Variants in SMAD2 observed in about 807,000 individuals in gnomAD.
SMAD2 encodes SMAD family member 2.
A neutral mutation model predicts 64.4 loss-of-function variants in SMAD2; 8 were observed. The ratio of observed to expected loss-of-function variants is 0.12; its 90% CI spans 0.07 to 0.22. SMAD2 has a LOEUF of 0.22. Ranked by LOEUF, SMAD2 falls within the 10% of genes least tolerant of loss-of-function variation. SMAD2 has a pLI of 1.00. For synonymous variants in SMAD2, 203 were observed against 195.8 expected (o/e 1.04, Z -0.31); for missense variants, 289 against 561.2 (o/e 0.51, Z 4.90).
chr18:47,874,974 G>A (rs78641216), intron 2 of SMAD2, among the ~76,000 whole-genome samples: 2,244 of 152,196 alleles, frequency 0.015, 58 homozygotes, highest in African/African-American at 0.051. Flanking sequence ...AAAAAGATAT[G>A]GTTCTAAAAC....
chr18:47,889,822 G>C (rs1423341647), intron 2 of SMAD2, among the ~76,000 whole-genome samples: 2 of 151,410 alleles, frequency 1.3e-5, no homozygotes, highest in East Asian at 3.9e-4. Flanking sequence ...GAAAACAAAA[G>C]ATTACTGTAA....
chr18:47,898,829 G>A (rs1430562286), intron 1 of SMAD2, among the ~76,000 whole-genome samples: 1 of 152,024 alleles, frequency 6.6e-6, no homozygotes, highest in Non-Finnish European at 1.5e-5. Flanking sequence ...TTTTCCTGAG[G>A]AAATATTTGC....
rs942635560 is a variant in SMAD2, at chr18:47,821,546, A to G, written c.*20281T>C. On this transcript the variant is annotated 3_prime_UTR_variant, in exon 11 of 11. Coordinates refer to ENST00000262160, the MANE Select transcript of SMAD2 (RefSeq NM_005901.6). ...TCAACATACTAGCTTTCTTATTTAC[A>G]TTCCTCTATAAGGCGTACACTCATA... The G allele has an allele frequency of 1.3e-5, 2 of 152,140 alleles. No individual in the cohort carries two copies. The highest frequency in any genetic ancestry group is 2.9e-5 in the Non-Finnish European group (2 of 68,030). 9.4% of individuals were successfully genotyped at this position (152,140 alleles called of 1,614,324 possible).
At position 47,827,789 on chromosome 18, in the gene SMAD2, T is replaced by G. The variant is rs971465193; in HGVS notation, c.*14038A>C. ...AGTCTCGCTCACTCAGTGCTCAATG[T>G]TGCCCAGGCTGGAGTGCAGTGGCAC... On this transcript the variant is annotated 3_prime_UTR_variant, in exon 11 of 11. Coordinates refer to ENST00000262160, the MANE Select transcript of SMAD2 (RefSeq NM_005901.6). 5 of 188,194 alleles carry G rather than the reference T, an allele frequency of 2.7e-5. No individual in the cohort carries two copies. Among genetic ancestry groups the G allele is most frequent in the African/African-American group, 9.5e-5 (4 of 41,910 alleles). The allele number at this position is 188,194 out of a possible 1,614,324, so 11.7% of individuals were successfully genotyped here.
At chr18:47,923,407 A>G (rs1168185364) in intron 1 of SMAD2, among the ~76,000 whole-genome samples, 1 of 152,230 alleles carries the variant, frequency 6.6e-6, no homozygotes, top group Non-Finnish European at 1.5e-5. Flanking sequence ...AACTTTATAC[A>G]ATGATGTAAA....
At chr18:47,845,239 A>T (rs1914382433) in intron 10 of SMAD2, 101 bp downstream of exon 10, 2 of 1,200,584 alleles carry the variant, frequency 1.7e-6, no homozygotes, top group Non-Finnish European at 2.5e-6. Flanking sequence ...TGACTCTATA[A>T]CCTCATTGAA....
intron 1 of SMAD2, chr18:47,912,487 A>G (rs2034175849): frequency 6.6e-6 from 1 of 152,290 alleles, no homozygotes; most frequent in Non-Finnish European, 1.5e-5. Flanking sequence ...GTAAGTAACT[A>G]TGTTCATCAC....
chr18:47,876,458 G>C (rs985782490), intron 2 of SMAD2, among the ~76,000 whole-genome samples: 12 of 151,952 alleles, frequency 7.9e-5, no homozygotes, highest in East Asian at 1.9e-4. Context: ...TCTTTGCATG[G>C]AACAGTTTCT....
intron 2 of SMAD2, among the ~76,000 whole-genome samples, chr18:47,871,955 C>T (rs17741495): frequency 0.036 from 5,439 of 152,258 alleles, 145 homozygotes; most frequent in Admixed American, 0.05. Flanking sequence ...GCACAAGAGG[C>T]TATTCTGCTC....
At chr18:47,844,600 G>A (rs1379558185) in intron 10 of SMAD2, among the ~76,000 whole-genome samples, 1 of 152,110 alleles carries the variant, frequency 6.6e-6, no homozygotes, top group East Asian at 1.9e-4. Context: ...AAGAGTCCAG[G>A]AGAACTATCT....
chr18:47,872,453 A>C (rs1391004932), intron 2 of SMAD2, among the ~76,000 whole-genome samples: 4 of 152,232 alleles, frequency 2.6e-5, no homozygotes, highest in African/African-American at 4.8e-5. Context: ...ATTTAAAAAC[A>C]ATATGGTATA....
intron 2 of SMAD2, chr18:47,886,923 C>CAA (rs11432634): frequency 0.055 from 6,939 of 126,264 alleles, 219 homozygotes; most frequent in African/African-American, 0.086. Context: ...TGATTATATG[C>CAA]AAAAAAAAAA....
rs927902029 is a variant in SMAD2 at position 47,827,714 on chromosome 18, G to A, written c.*14113C>T. The A allele has an allele frequency of 2.4e-5, 4 of 164,210 alleles. No homozygotes were observed. The highest frequency in any genetic ancestry group is 6.5e-5 in the Admixed American group (1 of 15,424). 10.2% of individuals were successfully genotyped at this position (164,210 alleles called of 1,614,324 possible). ...CCAGGCTGGTCTCCAGCTCCTGACC[G>A]CGCATGATCTGCCCGCCTGGGCCTC... On this transcript the variant is annotated 3_prime_UTR_variant, in exon 11 of 11. Transcript: ENST00000262160.
rs1321887011 is a variant in SMAD2, at chr18:47,819,815, A to G, written c.*22012T>C. On this transcript the variant is annotated 3_prime_UTR_variant, in exon 11 of 11. Transcript: ENST00000262160. ...CGTCTCAAAAAAAAAAAAAAAAAAAAGAATTGGATGGATTATAAACGGGAT... is the reference window on the plus strand; with the variant it reads ...CGTCTCAAAAAAAAAAAAAAAAAAAGGAATTGGATGGATTATAAACGGGAT... 2 of 142,850 alleles carry G rather than the reference A, an allele frequency of 1.4e-5. No homozygotes were observed. Among genetic ancestry groups the G allele is most frequent in the African/African-American group, 5.1e-5 (2 of 39,124 alleles). The allele number at this position is 142,850 out of a possible 1,614,324, so 8.8% of individuals were successfully genotyped here.
At chr18:47,883,380 A>G (rs2032719082) in intron 2 of SMAD2, among the ~76,000 whole-genome samples, 1 of 152,196 alleles carries the variant, frequency 6.6e-6, no homozygotes, top group Admixed American at 6.5e-5. Flanking sequence ...ATCTTTTAAA[A>G]TTGATTGAGA....
chr18:47,904,430 G>GT (rs1172897855), intron 1 of SMAD2, among the ~76,000 whole-genome samples: 1 of 151,824 alleles, frequency 6.6e-6, no homozygotes, highest in African/African-American at 2.4e-5. Context: ...CTTTCACTCT[G>GT]TAACAATAAC....
chr18:47,848,411 C>T (rs981230997), intron 8 of SMAD2, 64 bp downstream of exon 8: 5 of 1,230,494 alleles, frequency 4.1e-6, no homozygotes, highest in Non-Finnish European at 6.0e-6. Flanking sequence ...TGTGGCACAC[C>T]ATGCAATGCC....
At chr18:47,851,913 A>G (rs762957608) in intron 6 of SMAD2, among the ~76,000 whole-genome samples, 24 of 152,176 alleles carry the variant, frequency 1.6e-4, no homozygotes, top group Non-Finnish European at 2.9e-4. Flanking sequence ...AGAAACTGCC[A>G]GGTCGAAAGG....
chr18:47,926,517 C>G (rs984811391), intron 1 of SMAD2, among the ~76,000 whole-genome samples: 1 of 152,104 alleles, frequency 6.6e-6, no homozygotes, highest in African/African-American at 2.4e-5. Flanking sequence ...CCAGCCCCCA[C>G]CACACCCCCT....
Sources: allele counts gnomAD v4.1 joint callset (sites outside exome capture counted in the v4.1 genomes callset), GRCh38; gene constraint gnomAD v4.1.1; transcripts MANE v1.5; gene names NCBI Gene and HGNC (gene_info 2026-07-23, HGNC 2026-07-21).